The following EEIG1 variants were observed in gnomAD, a reference collection of about 807,000 sequenced individuals.
EEIG1 encodes early estrogen-induced gene 1 protein.
At chr9:127,973,647 C>A in the EEIG1 span, among the ~76,000 whole-genome samples, 1 of 152,230 alleles carries the variant, frequency 6.6e-6, no homozygotes, top group Non-Finnish European at 1.5e-5. The surrounding 1 kb of genome is among the most constrained non-coding windows in gnomAD (Gnocchi z 4.2). Context: ...TCCCCGCAGC[C>A]ACCAGCAGTA....
the EEIG1 span, among the ~76,000 whole-genome samples, chr9:127,956,735 G>A: frequency 4.9e-4 from 73 of 148,176 alleles, 1 homozygote; most frequent in African/African-American, 1.7e-3. Flanking sequence ...TATTATTTGA[G>A]ACAGAGTCTC....
chr9:127,942,735 A>G, the EEIG1 span: 1 of 178,166 alleles, frequency 5.6e-6, no homozygotes, highest in Non-Finnish European at 1.2e-5. Flanking sequence ...GGAACAACGG[A>G]GCAAGGCCCT....
the EEIG1 span, among the ~76,000 whole-genome samples, chr9:127,979,675 C>T: frequency 6.6e-6 from 1 of 152,230 alleles, no homozygotes; most frequent in Admixed American, 6.5e-5. Flanking sequence ...CCTGAACACC[C>T]CTCCCCTGCA....
At chr9:127,963,717 C>T in the EEIG1 span, 1 of 152,364 alleles carries the variant, frequency 6.6e-6, no homozygotes, top group Non-Finnish European at 1.5e-5. Flanking sequence ...GGGAGACACA[C>T]AGACCTGTAT....
the EEIG1 span, among the ~76,000 whole-genome samples, chr9:127,975,973 GC>G: frequency 1.3e-5 from 2 of 152,156 alleles, no homozygotes; most frequent in Non-Finnish European, 2.9e-5. Context: ...CCCAGTGCCA[GC>G]CCAGGCCTGG....
chr9:127,973,587 GTC>G, the EEIG1 span, among the ~76,000 whole-genome samples: 3 of 152,192 alleles, frequency 2.0e-5, no homozygotes, highest in Admixed American at 6.5e-5. This position sits in a 1 kb window ranked among gnomAD's most constrained non-coding sequence, Gnocchi z 4.2. Flanking sequence ...CAAAGGCTAG[GTC>G]CAAGGAGCAG....
At chr9:127,944,697 A>G in the EEIG1 span, 1 of 1,612,938 alleles carries the variant, frequency 6.2e-7, no homozygotes, top group Non-Finnish European at 8.5e-7. Flanking sequence ...GTGGGGACAC[A>G]GGAGAGGATG....
chr9:127,945,221 C>T, the EEIG1 span: 2 of 727,894 alleles, frequency 2.7e-6, no homozygotes, highest in African/African-American at 3.6e-5. The surrounding 1 kb of genome is among the most constrained non-coding windows in gnomAD (Gnocchi z 6.5). Context: ...CTGCACCCTT[C>T]AGGGCCATCA....
the EEIG1 span, chr9:127,944,606 C>T: frequency 6.2e-7 from 1 of 1,607,888 alleles, no homozygotes; most frequent in Non-Finnish European, 8.5e-7. Context: ...CTCCCTAAGC[C>T]TGCCCTACCT....
At chr9:127,975,499 G>A in the EEIG1 span, among the ~76,000 whole-genome samples, 1 of 152,084 alleles carries the variant, frequency 6.6e-6, no homozygotes, top group Non-Finnish European at 1.5e-5. Flanking sequence ...GGCCCAGCCT[G>A]CCTCCTTCAT....
the EEIG1 span, among the ~76,000 whole-genome samples, chr9:127,979,047 A>C: frequency 4.6e-5 from 7 of 152,008 alleles, no homozygotes; most frequent in African/African-American, 1.7e-4. Flanking sequence ...AGAGACAGGA[A>C]TCTAAGTCGT....
the EEIG1 span, chr9:127,953,422 AC>A: frequency 1.5e-6 from 1 of 682,976 alleles, no homozygotes; most frequent in Non-Finnish European, 2.6e-6. Flanking sequence ...GAGTGCAAAG[AC>A]CATCAATAAA....
At chr9:127,979,706 C>G in the EEIG1 span, among the ~76,000 whole-genome samples, 1 of 152,346 alleles carries the variant, frequency 6.6e-6, no homozygotes, top group East Asian at 1.9e-4. Context: ...GGGTACAAAT[C>G]CCTGATAGGC....
chr9:127,952,844 G>A, the EEIG1 span, among the ~76,000 whole-genome samples: 3 of 152,154 alleles, frequency 2.0e-5, no homozygotes, highest in Non-Finnish European at 4.4e-5. Flanking sequence ...CTCCCGAGTA[G>A]CTGGGATTAC....
chr9:127,941,240 T>C, the EEIG1 span: 1 of 152,274 alleles, frequency 6.6e-6, no homozygotes, highest in South Asian at 2.1e-4. Flanking sequence ...CTGGGGTTCC[T>C]GGTCTGGAGG....
the EEIG1 span, chr9:127,945,585 G>A: frequency 2.6e-6 from 4 of 1,562,494 alleles, no homozygotes; most frequent in African/African-American, 2.7e-5. This position sits in a 1 kb window ranked among gnomAD's most constrained non-coding sequence, Gnocchi z 6.5. Context: ...ACGCAGGGGA[G>A]CATCACAATG....
chr9:127,979,052 A>G, the EEIG1 span, among the ~76,000 whole-genome samples: 1 of 152,110 alleles, frequency 6.6e-6, no homozygotes, highest in African/African-American at 2.4e-5. Context: ...CAGGAATCTA[A>G]GTCGTCCACG....
chr9:127,976,549 A>G, the EEIG1 span, among the ~76,000 whole-genome samples: 1 of 152,242 alleles, frequency 6.6e-6, no homozygotes, highest in Non-Finnish European at 1.5e-5. The surrounding 1 kb of genome is among the most constrained non-coding windows in gnomAD (Gnocchi z 4.1). Context: ...TACCAGTTGC[A>G]AAACAGTCAG....
chr9:127,949,313 A>AG, the EEIG1 span, among the ~76,000 whole-genome samples: 30 of 147,498 alleles, frequency 2.0e-4, no homozygotes, highest in African/African-American at 7.1e-4. Context: ...CTCTGTCTCA[A>AG]AAAAAAAAAA....
Sources: gnomAD v4.1 joint callset for allele counts (sites outside exome capture counted in the v4.1 genomes callset) on GRCh38, gnomAD v4.1.1 for gene constraint, Gnocchi (gnomAD v3.1) non-coding constraint, MANE v1.5 for transcripts, NCBI Gene and HGNC (gene_info 2026-07-23, HGNC 2026-07-21) for gene names.